Variants in KLF12 observed in about 807,000 individuals in gnomAD.
KLF12 encodes the protein Krueppel-like factor 12.
In KLF12, 9 loss-of-function variants were observed where a neutral mutation model predicts 37.8. The observed-to-expected ratio is 0.24, with a 90% CI of 0.14 to 0.42. The LOEUF (loss-of-function observed/expected upper bound fraction) is 0.42. KLF12 is among the 10% of genes least tolerant of loss of function. The pLI, the probability that KLF12 is intolerant of heterozygous loss-of-function variation, is 1.00. For synonymous variants in KLF12, 208 were observed against 202.1 expected, an observed-to-expected ratio of 1.03 and a Z score of -0.25; for missense variants, 411 against 516.0, an observed-to-expected ratio of 0.80 and a Z score of 1.97.
At chr13:73,868,595 T>C (rs1329312205) in intron 3 of KLF12, among the ~76,000 whole-genome samples, 1 of 152,022 alleles carries the variant, frequency 6.6e-6, no homozygotes, top group Non-Finnish European at 1.5e-5. Flanking sequence ...TTCACCATAT[T>C]GGCCAGGCTG....
At chr13:73,948,334 G>T (rs1186740375) in intron 2 of KLF12, among the ~76,000 whole-genome samples, 2 of 152,022 alleles carry the variant, frequency 1.3e-5, no homozygotes, top group Non-Finnish European at 2.9e-5. Flanking sequence ...CAATTCTTGT[G>T]CCTCAGCATC....
chr13:73,714,814 T>C (rs1042111094), intron 7 of KLF12, among the ~76,000 whole-genome samples: 6 of 152,176 alleles, frequency 3.9e-5, no homozygotes, highest in African/African-American at 1.4e-4. Flanking sequence ...TGGTATCAAT[T>C]TCCTTTTCTG....
the KLF12 span, among the ~76,000 whole-genome samples, chr13:74,181,357 A>C: frequency 2.0e-5 from 3 of 150,662 alleles, no homozygotes. Context: ...ACATTGACAA[A>C]AGTGAAAAAA....
intron 3 of KLF12, among the ~76,000 whole-genome samples, chr13:73,902,449 T>C (rs1371191778): frequency 6.6e-6 from 1 of 152,214 alleles, no homozygotes; most frequent in Non-Finnish European, 1.5e-5. Context: ...TCCATTTTTA[T>C]AGAAGCGGAT....
At chr13:74,155,651 C>A in the KLF12 span, among the ~76,000 whole-genome samples, 130 of 151,780 alleles carry the variant, frequency 8.6e-4, 3 homozygotes, top group East Asian at 0.023. Flanking sequence ...GCGGGAACCA[C>A]CACGCCCAGC....
At chr13:73,947,648 CAA>C (rs11378611) in intron 2 of KLF12, among the ~76,000 whole-genome samples, 2 of 85,900 alleles carry the variant, frequency 2.3e-5, no homozygotes, top group Admixed American at 1.5e-4. Flanking sequence ...GAGACGGTCT[CAA>C]AAAAAAAAAA....
At chr13:73,773,120 T>C (rs934532377) in intron 5 of KLF12, among the ~76,000 whole-genome samples, 8 of 152,190 alleles carry the variant, frequency 5.3e-5, no homozygotes, top group African/African-American at 1.9e-4. Context: ...CATCTGGGGT[T>C]CAGCAGACAA....
At chr13:74,244,742 C>T in the KLF12 span, among the ~76,000 whole-genome samples, 6 of 152,162 alleles carry the variant, frequency 3.9e-5, no homozygotes, top group African/African-American at 9.7e-5. Flanking sequence ...TTGTCCTACT[C>T]CTTTTAATGC....
rs59877053 is a variant in KLF12, at chr13:73,774,916, C to CTT, written c.807-9918_807-9917dup. ...ATATATATGTACCTTCTCTCGCATT[C>CTT]TTTTTTTTTTTTTTTTTTTAAGATG... On this transcript the variant is annotated intron_variant, in intron 5 of 7. Transcript: ENST00000377669. 2.4e-3 allele frequency among the ~76,000 whole-genome samples: 308 copies of CTT among 130,358 alleles called. 1 individual carries two copies. The highest frequency in any genetic ancestry group is 5.6e-3 in the African/African-American group (204 of 36,646). 85.5% of individuals were successfully genotyped at this position (130,358 alleles called of 152,430 possible). A position where few individuals can be genotyped will look rare whatever the true frequency, so the allele number is the denominator to read the frequency against.
intron 6 of KLF12, among the ~76,000 whole-genome samples, chr13:73,720,827 T>C (rs1876184946): frequency 1.3e-5 from 2 of 152,330 alleles, no homozygotes; most frequent in African/African-American, 4.8e-5. Flanking sequence ...CCACTCGTCA[T>C]GTGTGACCTT....
At chr13:74,293,387 T>A in the KLF12 span, among the ~76,000 whole-genome samples, 1 of 152,168 alleles carries the variant, frequency 6.6e-6, no homozygotes, top group Non-Finnish European at 1.5e-5. Flanking sequence ...TTGGGTACAA[T>A]CGAGGGACTG....
At chr13:74,037,240 T>C (rs904409287) in intron 1 of KLF12, among the ~76,000 whole-genome samples, 2 of 147,280 alleles carry the variant, frequency 1.4e-5, no homozygotes, top group Non-Finnish European at 3.0e-5. Context: ...TTCTGGAAAA[T>C]GTGAACTATT....
chr13:74,203,861 T>A, the KLF12 span, among the ~76,000 whole-genome samples: 1 of 152,062 alleles, frequency 6.6e-6, no homozygotes, highest in Non-Finnish European at 1.5e-5. Flanking sequence ...GACAGCTTTG[T>A]AAATATGTGG....
At chr13:74,157,097 G>A in the KLF12 span, among the ~76,000 whole-genome samples, 27,410 of 152,040 alleles carry the variant, frequency 0.18, 2,926 homozygotes, top group African/African-American at 0.29. Context: ...TGAATCACAG[G>A]GGACTTTCTA....
chr13:73,912,325 T>C (rs1232025864), intron 3 of KLF12, among the ~76,000 whole-genome samples: 2 of 152,206 alleles, frequency 1.3e-5, no homozygotes, highest in Non-Finnish European at 2.9e-5. Flanking sequence ...GGTTGAATTG[T>C]GTTCTCCAAA....
intron 5 of KLF12, among the ~76,000 whole-genome samples, chr13:73,780,333 C>G (rs983975734): frequency 1.1e-4 from 16 of 152,092 alleles, no homozygotes; most frequent in Non-Finnish European, 1.9e-4. Flanking sequence ...TTTGGTGCAC[C>G]TGTCACCTGA....
chr13:74,000,235 C>T lies in KLF12; in HGVS notation c.-31-5182G>A, dbSNP rs145652510. ...CTTGAAAACTAGGAAAAGCTATGTCCGAAACCTGATATAAAGTTATACTTC... is the reference window on the plus strand; with the variant it reads ...CTTGAAAACTAGGAAAAGCTATGTCTGAAACCTGATATAAAGTTATACTTC... On this transcript the variant is annotated intron_variant, in intron 1 of 7. Coordinates refer to ENST00000377669, the MANE Select transcript of KLF12 (RefSeq NM_007249.5). Among the ~76,000 whole-genome samples, 377 of 152,210 alleles carry T rather than the reference C, an allele frequency of 2.5e-3. 1 individual carries two copies. Among genetic ancestry groups the T allele is most frequent in the African/African-American group, 8.6e-3 (357 of 41,532 alleles).
chr13:73,933,801 A>G (rs1889795151), intron 3 of KLF12, among the ~76,000 whole-genome samples: 1 of 152,174 alleles, frequency 6.6e-6, no homozygotes, highest in Non-Finnish European at 1.5e-5. Context: ...ATAAATCCTA[A>G]GCCCTCTGGT....
chr13:74,043,441 G>A (rs1593852707), intron 1 of KLF12, among the ~76,000 whole-genome samples: 1 of 152,204 alleles, frequency 6.6e-6, no homozygotes, highest in Non-Finnish European at 1.5e-5. Flanking sequence ...ACAGGCCCCA[G>A]TGGGAAAATG....
Sources: gnomAD v4.1 joint callset for allele counts (sites outside exome capture counted in the v4.1 genomes callset) on GRCh38, gnomAD v4.1.1 for gene constraint, MANE v1.5 for transcripts, NCBI Gene and HGNC (gene_info 2026-07-23, HGNC 2026-07-21) for gene names.